CDC42SE2: variants seen among roughly 807,000 people sequenced by gnomAD.
CDC42SE2 encodes the protein CDC42 small effector protein 2.
Under a neutral mutation model 11.5 loss-of-function variants are expected in CDC42SE2, and 3 were observed. That is an observed-to-expected ratio of 0.26 (90% confidence interval 0.12 to 0.67). The LOEUF (loss-of-function observed/expected upper bound fraction) is 0.67. Ranked by LOEUF, CDC42SE2 falls within the 30% of genes least tolerant of loss-of-function variation. The pLI is 0.80. For missense variants in CDC42SE2, 82 were observed against 106.8 expected, an observed-to-expected ratio of 0.77 and a Z score of 1.02; for synonymous variants, 33 against 34.8, an observed-to-expected ratio of 0.95 and a Z score of 0.18.
chr5:131,334,437 T>C (rs1330020160), intron 2 of CDC42SE2, among the ~76,000 whole-genome samples: 1 of 152,164 alleles, frequency 6.6e-6, no homozygotes, highest in African/African-American at 2.4e-5. Context: ...TTTTTGGTTG[T>C]GTCTCTGCCC....
intron 1 of CDC42SE2, among the ~76,000 whole-genome samples, chr5:131,297,061 A>G (rs1757583752): frequency 6.6e-6 from 1 of 152,098 alleles, no homozygotes; most frequent in Non-Finnish European, 1.5e-5. Flanking sequence ...TATAAATAGT[A>G]GTGAGTTAAA....
At chr5:131,348,097 T>C (rs1055348250) in intron 2 of CDC42SE2, among the ~76,000 whole-genome samples, 5 of 152,038 alleles carry the variant, frequency 3.3e-5, no homozygotes, top group Non-Finnish European at 4.4e-5. Context: ...GACAGGGATG[T>C]CCTCTCTCAA....
chr5:131,270,070 AAAAC>A (rs1031286393), intron 1 of CDC42SE2, among the ~76,000 whole-genome samples: 2 of 149,572 alleles, frequency 1.3e-5, no homozygotes, highest in African/African-American at 2.5e-5. Context: ...AAAAAACAAA[AAAAC>A]AAACAAAAAA....
intron 1 of CDC42SE2, among the ~76,000 whole-genome samples, chr5:131,288,287 C>T (rs1248260739): frequency 2.6e-5 from 4 of 151,810 alleles, no homozygotes; most frequent in Admixed American, 2.6e-4. Context: ...GCAACTTTTC[C>T]TCTTATAATG....
chr5:131,259,081 C>T (rs1756702778), upstream of CDC42SE2, among the ~76,000 whole-genome samples: 1 of 152,158 alleles, frequency 6.6e-6, no homozygotes, highest in Non-Finnish European at 1.5e-5. Context: ...TTATTTTCTC[C>T]TTTCTCAATA....
intron 2 of CDC42SE2, among the ~76,000 whole-genome samples, chr5:131,318,028 C>T (rs1377922661): frequency 1.3e-5 from 2 of 152,110 alleles, no homozygotes; most frequent in Admixed American, 6.6e-5. Context: ...GGAACCTCTG[C>T]CTCCTGGGCT....
intron 1 of CDC42SE2, among the ~76,000 whole-genome samples, chr5:131,268,715 G>C (rs1756925971): frequency 6.8e-6 from 1 of 146,230 alleles, no homozygotes; most frequent in African/African-American, 2.5e-5. Context: ...GCCTCCCAAA[G>C]TGCTGAGATT....
chr5:131,220,757 G>C, the CDC42SE2 span, among the ~76,000 whole-genome samples: 1 of 152,100 alleles, frequency 6.6e-6, no homozygotes, highest in African/African-American at 2.4e-5. Flanking sequence ...GCTATGGCCT[G>C]ATTACTAGAG....
At chr5:131,292,394 C>A (rs1757476108) in intron 1 of CDC42SE2, among the ~76,000 whole-genome samples, 1 of 145,826 alleles carries the variant, frequency 6.9e-6, no homozygotes, top group Admixed American at 6.9e-5. Flanking sequence ...ATGGTGAAAA[C>A]CCATCTCTAC....
the CDC42SE2 span, among the ~76,000 whole-genome samples, chr5:131,211,207 A>C: frequency 6.6e-6 from 1 of 152,132 alleles, no homozygotes; most frequent in South Asian, 2.1e-4. Flanking sequence ...TAATTTACTT[A>C]ATTTCACAAA....
chr5:131,304,368 G>A (rs527499643), intron 1 of CDC42SE2, among the ~76,000 whole-genome samples: 2 of 152,094 alleles, frequency 1.3e-5, no homozygotes, highest in African/African-American at 4.8e-5. Context: ...GGTAGATAGG[G>A]ATAGAGGTGG....
At chr5:131,352,842 A>T (rs1443583838) in intron 2 of CDC42SE2, among the ~76,000 whole-genome samples, 1 of 152,202 alleles carries the variant, frequency 6.6e-6, no homozygotes, top group African/African-American at 2.4e-5. Context: ...ATGGAACTTC[A>T]GACCCCCTTC....
intron 2 of CDC42SE2, among the ~76,000 whole-genome samples, chr5:131,348,272 A>C (rs1308578781): frequency 1.3e-5 from 2 of 152,232 alleles, no homozygotes; most frequent in Non-Finnish European, 2.9e-5. Context: ...AAATCTCCTT[A>C]AGCTGATAAG....
At chr5:131,266,202 A>G (rs1257106426) in intron 1 of CDC42SE2, among the ~76,000 whole-genome samples, 2 of 152,260 alleles carry the variant, frequency 1.3e-5, no homozygotes, top group South Asian at 2.1e-4. Flanking sequence ...TGCGTTGCCT[A>G]TTTTAATCTA....
chr5:131,319,682 AT>A (rs1184936948), intron 2 of CDC42SE2, among the ~76,000 whole-genome samples: 1 of 152,198 alleles, frequency 6.6e-6, no homozygotes, highest in Non-Finnish European at 1.5e-5. Flanking sequence ...TTTTAAAAGG[AT>A]TTTTAAAGAT....
At chr5:131,357,811 A>C (rs1360926062) in intron 2 of CDC42SE2, among the ~76,000 whole-genome samples, 4 of 151,978 alleles carry the variant, frequency 2.6e-5, no homozygotes, top group African/African-American at 9.7e-5. Flanking sequence ...CCTTTCACTC[A>C]CTTAACCTCC....
In CDC42SE2 at chr5:131,308,132, G is replaced by A. The variant is rs1204348872; in HGVS notation, c.-454-7844G>A. On this transcript the variant is annotated intron_variant, in intron 1 of 4. Transcript: ENST00000505065. ...GAATTGATTTTTGTATAAGGTGTAA[G>A]GAAGGGATCCAGTTTCAGCTTTCTA... Among the ~76,000 whole-genome samples the A allele has an allele frequency of 8.5e-5, 13 of 152,218 alleles. No homozygotes were observed. In the East Asian group the frequency reaches 2.5e-3, roughly 29 times the overall value.
chr5:131,253,863 T>G (rs1266774830), intron 1 of CDC42SE2, among the ~76,000 whole-genome samples: 1 of 152,262 alleles, frequency 6.6e-6, no homozygotes, highest in East Asian at 1.9e-4. Context: ...GACAAATACT[T>G]GCGTTAGGTT....
intron 3 of CDC42SE2, among the ~76,000 whole-genome samples, chr5:131,365,441 G>A (rs1472549783): frequency 3.3e-5 from 5 of 152,188 alleles, no homozygotes; most frequent in African/African-American, 1.2e-4. Flanking sequence ...GGTCAAATAT[G>A]ATGGATCTCC....
Sources: allele counts gnomAD v4.1 joint callset (sites outside exome capture counted in the v4.1 genomes callset), GRCh38; gene constraint gnomAD v4.1.1; transcripts MANE v1.5; gene names NCBI Gene and HGNC (gene_info 2026-07-23, HGNC 2026-07-21).